The following PRELID2 variants were observed in gnomAD, a reference collection of about 807,000 sequenced individuals.
PRELID2 encodes PRELI domain-containing protein 2.
A neutral mutation model predicts 28.4 loss-of-function variants in PRELID2; 25 were observed. That is an observed-to-expected ratio of 0.88 (90% CI 0.64 to 1.23). PRELID2 has a LOEUF of 1.23. PRELID2 is among the 50% of genes most tolerant of loss of function. PRELID2 has a pLI of 0.00. For synonymous variants in PRELID2, 76 were observed against 71.6 expected (o/e 1.06, Z -0.31); for missense variants, 201 against 214.4 (o/e 0.94, Z 0.39).
At chr5:145,648,048 T>C (rs1357439928) in intron 1 of PRELID2, among the ~76,000 whole-genome samples, 1 of 152,244 alleles carries the variant, frequency 6.6e-6, no homozygotes, top group Non-Finnish European at 1.5e-5. Flanking sequence ...CAGACATTGC[T>C]TCACTGCCCA....
chr5:145,291,766 C>T, the PRELID2 span, among the ~76,000 whole-genome samples: 1 of 152,154 alleles, frequency 6.6e-6, no homozygotes, highest in Non-Finnish European at 1.5e-5. Context: ...TTATTTTACA[C>T]TTAGATCTAT....
the PRELID2 span, among the ~76,000 whole-genome samples, chr5:145,246,549 C>G: frequency 3.9e-5 from 6 of 152,014 alleles, no homozygotes; most frequent in Non-Finnish European, 8.8e-5. Flanking sequence ...TCTTTCCTTC[C>G]TTCCTTCCTT....
the PRELID2 span, among the ~76,000 whole-genome samples, chr5:145,247,736 C>T: frequency 1.3e-5 from 2 of 152,020 alleles, no homozygotes; most frequent in African/African-American, 2.4e-5. Flanking sequence ...TAAAGCTGTC[C>T]CCCAAACAGG....
chr5:145,510,438 G>A lies in PRELID2; in HGVS notation n.71-37123C>T, dbSNP rs371149283. ...CAAGTCATGGAGGGCTCTTCCTAGC[G>A]GCCTGCAGTAAGAGGCCTCAGAGGG... On this transcript the variant is annotated intron_variant and non_coding_transcript_variant, in intron 1 of 2. Transcript: ENST00000510259. 7.1e-4 allele frequency among the ~76,000 whole-genome samples: 108 copies of A among 152,208 alleles called. 2 individuals carry two copies. Among genetic ancestry groups the A allele is most frequent in the African/African-American group, 2.1e-3 (89 of 41,528 alleles).
chr5:145,574,622 T>A (rs1298511786), intron 1 of PRELID2, among the ~76,000 whole-genome samples: 1 of 152,186 alleles, frequency 6.6e-6, no homozygotes, highest in Non-Finnish European at 1.5e-5. Flanking sequence ...ACTGAGAGCC[T>A]TGTCCATCCA....
At chr5:145,233,982 C>T in the PRELID2 span, among the ~76,000 whole-genome samples, 2 of 152,094 alleles carry the variant, frequency 1.3e-5, no homozygotes, top group Admixed American at 6.5e-5. Flanking sequence ...TTTGCATTTA[C>T]GTTTATGCTA....
intron 4 of PRELID2, among the ~76,000 whole-genome samples, chr5:145,810,520 G>A (rs190489452): frequency 6.6e-6 from 1 of 152,256 alleles, no homozygotes; most frequent in East Asian, 1.9e-4. Flanking sequence ...CTCAAATTGA[G>A]GCACTCATAG....
the PRELID2 span, among the ~76,000 whole-genome samples, chr5:145,435,800 T>C: frequency 6.6e-6 from 1 of 152,064 alleles, no homozygotes; most frequent in Non-Finnish European, 1.5e-5. Context: ...AGCAGTTGAG[T>C]TTTGAAATCA....
chr5:145,262,469 A>T, the PRELID2 span, among the ~76,000 whole-genome samples: 1 of 152,198 alleles, frequency 6.6e-6, no homozygotes, highest in South Asian at 2.1e-4. Flanking sequence ...AAGAAAACCT[A>T]TCAGATTAAT....
chr5:145,822,970 A>G, intron 2 of PRELID2, 107 bp downstream of exon 2: 1 of 582,936 alleles, frequency 1.7e-6, no homozygotes. Context: ...GCAGGTGAAC[A>G]ATTTTTTAAA....
At chr5:145,229,218 G>GC in the PRELID2 span, 2 of 804,974 alleles carry the variant, frequency 2.5e-6, no homozygotes, top group African/African-American at 1.7e-5. Flanking sequence ...CTACTCGCTG[G>GC]CCCCCCAGAT....
chr5:145,303,437 C>G, the PRELID2 span, among the ~76,000 whole-genome samples: 1 of 152,168 alleles, frequency 6.6e-6, no homozygotes, highest in African/African-American at 2.4e-5. Flanking sequence ...ATATTACCAG[C>G]TAAATAGAAA....
chr5:145,419,690 C>T, the PRELID2 span, among the ~76,000 whole-genome samples: 4 of 152,126 alleles, frequency 2.6e-5, no homozygotes, highest in Admixed American at 2.6e-4. Context: ...TGCCTGTTCA[C>T]TCTGATGGTA....
the PRELID2 span, among the ~76,000 whole-genome samples, chr5:145,286,752 C>T: frequency 7.2e-6 from 1 of 139,418 alleles, no homozygotes; most frequent in East Asian, 2.4e-4. Flanking sequence ...GACGAAGTCT[C>T]ACTCTGTAGC....
At chr5:145,276,288 A>G in the PRELID2 span, among the ~76,000 whole-genome samples, 1 of 152,158 alleles carries the variant, frequency 6.6e-6, no homozygotes, top group African/African-American at 2.4e-5. Flanking sequence ...AATGTCTTCC[A>G]ACTACACCTT....
At chr5:145,438,669 A>G in the PRELID2 span, among the ~76,000 whole-genome samples, 1 of 152,148 alleles carries the variant, frequency 6.6e-6, no homozygotes, top group African/African-American at 2.4e-5. Flanking sequence ...TCTGTTAGTG[A>G]TCATTAGTGT....
chr5:145,268,173 G>A, the PRELID2 span, among the ~76,000 whole-genome samples: 1 of 152,022 alleles, frequency 6.6e-6, no homozygotes, highest in African/African-American at 2.4e-5. Context: ...TTGTTCTTTG[G>A]TTGCCTGTAC....
At chr5:145,704,849 A>G (rs966343153) in intron 1 of PRELID2, among the ~76,000 whole-genome samples, 3 of 152,194 alleles carry the variant, frequency 2.0e-5, no homozygotes, top group Non-Finnish European at 4.4e-5. Flanking sequence ...AGCCAGATGC[A>G]CTTGTACTGA....
intron 1 of PRELID2, among the ~76,000 whole-genome samples, chr5:145,689,988 T>TA (rs1755113937): frequency 7.8e-6 from 1 of 128,966 alleles, no homozygotes; most frequent in Non-Finnish European, 1.6e-5. Context: ...GTGGGGGTCT[T>TA]TTTTTTTTTT....
Sources: gnomAD v4.1 joint callset for allele counts (sites outside exome capture counted in the v4.1 genomes callset) on GRCh38, gnomAD v4.1.1 for gene constraint, MANE v1.5 for transcripts, NCBI Gene and HGNC (gene_info 2026-07-23, HGNC 2026-07-21) for gene names.